KIF2A: variants seen among roughly 807,000 people sequenced by gnomAD.
The protein encoded by KIF2A is kinesin family member 2A.
A neutral mutation model predicts 100.2 loss-of-function variants in KIF2A; 22 were observed. That is an observed-to-expected ratio of 0.22 (90% CI 0.16 to 0.31). The LOEUF (loss-of-function observed/expected upper bound fraction) is 0.31, where lower values mean the gene tolerates loss of function less well. KIF2A is among the 10% of genes least tolerant of loss of function. The pLI is 1.00. For synonymous variants in KIF2A, 268 were observed against 285.9 expected, an observed-to-expected ratio of 0.94 and a Z score of 0.63; for missense variants, 495 against 898.7, an observed-to-expected ratio of 0.55 and a Z score of 5.74.
chr5:62,352,894 T>C (rs1329728831), intron 5 of KIF2A, 184 bp downstream of exon 5: 1 of 488,920 alleles, frequency 2.0e-6, no homozygotes, highest in East Asian at 3.6e-5. Flanking sequence ...TTAAAGTATA[T>C]TTTGGAGCAA....
chr5:62,337,918 C>T (rs550418526), intron 1 of KIF2A, among the ~76,000 whole-genome samples: 4 of 151,772 alleles, frequency 2.6e-5, no homozygotes, highest in African/African-American at 7.2e-5. Flanking sequence ...CAATTCCAGT[C>T]AGAATCCCAA....
At chr5:62,364,508 G>A (rs1368980398) in intron 14 of KIF2A, among the ~76,000 whole-genome samples, 1 of 152,162 alleles carries the variant, frequency 6.6e-6, no homozygotes, top group Non-Finnish European at 1.5e-5. Flanking sequence ...ATTGAGCTAA[G>A]AAACAGTTTC....
rs1235677990 is a variant in KIF2A, at chr5:62,306,380, G to C, written c.-93G>C. ...CGGGCCGGCGCGGCCGCGGGCAACC[G>C]CTCCCCCTCCCACACCTACCCCGCC... is the stretch of plus-strand genomic sequence containing the variant. On this transcript the variant is annotated 5_prime_UTR_variant, in exon 1 of 21. Coordinates refer to ENST00000407818, the MANE Select transcript of KIF2A (RefSeq NM_001098511.3). 12 of 975,994 alleles carry C rather than the reference G, an allele frequency of 1.2e-5. No homozygotes were observed. Among genetic ancestry groups the C allele is most frequent in the Non-Finnish European group, 1.8e-5 (12 of 649,270 alleles). The allele number at this position is 975,994 out of a possible 1,614,324, so 60.5% of individuals were successfully genotyped here.
intron 1 of KIF2A, among the ~76,000 whole-genome samples, chr5:62,340,321 A>G (rs1283582042): frequency 6.6e-6 from 1 of 152,114 alleles, no homozygotes; most frequent in Non-Finnish European, 1.5e-5. Flanking sequence ...CATTTGCTCT[A>G]TTATTATTTT....
At position 62,385,600 on chromosome 5, in the gene KIF2A, AC is replaced by A. The variant is rs1741988311; in HGVS notation, c.*34del. 3 of 1,443,890 alleles carry A rather than the reference AC, an allele frequency of 2.1e-6. No individual in the cohort carries two copies. The South Asian group carries it at 3.6e-5, about 18-fold the overall frequency. The allele number at this position is 1,443,890 out of a possible 1,614,324, so 89.4% of individuals were successfully genotyped here. ...CATTTGCTGCTAAAGGATACCCAGA[AC>A]CCTCACTACTGTAACATACAACGGT... On this transcript the variant is annotated 3_prime_UTR_variant, in exon 21 of 21. Coordinates refer to ENST00000407818, the MANE Select transcript of KIF2A (RefSeq NM_001098511.3).
chr5:62,315,192 G>A (rs1471272593), intron 1 of KIF2A, among the ~76,000 whole-genome samples: 1 of 149,128 alleles, frequency 6.7e-6, no homozygotes, highest in Non-Finnish European at 1.5e-5. Context: ...AGCCTGTGGT[G>A]GTTTATAACT....
intron 3 of KIF2A, among the ~76,000 whole-genome samples, chr5:62,349,055 A>C (rs1747716258): frequency 6.6e-6 from 1 of 152,148 alleles, no homozygotes; most frequent in Non-Finnish European, 1.5e-5. Context: ...CATGAGTTTA[A>C]TCATATTGAG....
chr5:62,350,149 G>T, intron 4 of KIF2A, 29 bp downstream of exon 4: 1 of 1,332,782 alleles, frequency 7.5e-7, no homozygotes, highest in Non-Finnish European at 1.0e-6. Context: ...TCTTAATTTT[G>T]GCTATTGACT....
At chr5:62,352,789 A>G (rs549784740) in intron 5 of KIF2A, 79 bp downstream of exon 5, 22 of 1,129,904 alleles carry the variant, frequency 1.9e-5, no homozygotes, top group Non-Finnish European at 2.6e-5. Flanking sequence ...TAAGTCCTCA[A>G]AGAGTAAACA....
At chr5:62,354,818 A>T (rs1032455635) in intron 6 of KIF2A, among the ~76,000 whole-genome samples, 1 of 152,136 alleles carries the variant, frequency 6.6e-6, no homozygotes, top group Non-Finnish European at 1.5e-5. Flanking sequence ...CATGAGCATT[A>T]TTTCTCTGTT....
intron 1 of KIF2A, among the ~76,000 whole-genome samples, chr5:62,309,186 C>T (rs1378744294): frequency 3.3e-5 from 5 of 152,240 alleles, no homozygotes; most frequent in Admixed American, 6.5e-5. Context: ...AAGCAATTTT[C>T]GTTCTTTTCA....
At chr5:62,313,080 A>C (rs1011695804) in intron 1 of KIF2A, among the ~76,000 whole-genome samples, 1 of 151,992 alleles carries the variant, frequency 6.6e-6, no homozygotes, top group African/African-American at 2.4e-5. Context: ...AGGCATTCTG[A>C]TAGGTGTTGG....
At chr5:62,364,641 C>T (rs1220086454) in intron 14 of KIF2A, among the ~76,000 whole-genome samples, 1 of 152,130 alleles carries the variant, frequency 6.6e-6, no homozygotes, top group Non-Finnish European at 1.5e-5. Flanking sequence ...TTTTGGAGTG[C>T]CATGTTAAGA....
intron 1 of KIF2A, among the ~76,000 whole-genome samples, chr5:62,331,069 A>G (rs1190950380): frequency 1.3e-5 from 2 of 152,202 alleles, no homozygotes; most frequent in East Asian, 3.8e-4. Flanking sequence ...TATTTTTACT[A>G]ATAATTTAAG....
chr5:62,312,016 T>A (rs1745576282), intron 1 of KIF2A: 2 of 152,244 alleles, frequency 1.3e-5, no homozygotes, highest in South Asian at 4.1e-4. Context: ...CCCAGCTCTC[T>A]AAGTGCTGCT....
At chr5:62,312,984 A>G (rs1445865860) in intron 1 of KIF2A, among the ~76,000 whole-genome samples, 2 of 152,220 alleles carry the variant, frequency 1.3e-5, no homozygotes, top group East Asian at 1.9e-4. Flanking sequence ...TGATTATGAC[A>G]TATCAAAATA....
intron 4 of KIF2A, among the ~76,000 whole-genome samples, chr5:62,350,862 A>G (rs1205115930): frequency 6.6e-6 from 1 of 150,560 alleles, no homozygotes; most frequent in African/African-American, 2.4e-5. Context: ...CAGTAAGCCA[A>G]GATCGCACGA....
At chr5:62,357,377 C>G (rs1434841244) in intron 7 of KIF2A, among the ~76,000 whole-genome samples, 2 of 152,184 alleles carry the variant, frequency 1.3e-5, no homozygotes, top group Non-Finnish European at 2.9e-5. Flanking sequence ...AGCCATCATG[C>G]CCGGCCTCCT....
intron 1 of KIF2A, among the ~76,000 whole-genome samples, chr5:62,331,897 T>C (rs1746674548): frequency 6.6e-6 from 1 of 152,230 alleles, no homozygotes; most frequent in African/African-American, 2.4e-5. Flanking sequence ...TACTACTATA[T>C]TTTCTTAATA....
Sources: gnomAD v4.1 joint callset for allele counts (sites outside exome capture counted in the v4.1 genomes callset) on GRCh38, gnomAD v4.1.1 for gene constraint, MANE v1.5 for transcripts, NCBI Gene and HGNC (gene_info 2026-07-23, HGNC 2026-07-21) for gene names.